PCM1: variants seen among roughly 807,000 people sequenced by gnomAD.
The protein encoded by PCM1 is pericentriolar material 1 protein.
Under a neutral mutation model 241.9 loss-of-function variants are expected in PCM1, and 157 were observed. That is an observed-to-expected ratio of 0.65 (90% confidence interval 0.57 to 0.74). The LOEUF is 0.74. PCM1 is among the 30% of genes least tolerant of loss of function. PCM1 has a pLI of 0.00. For missense variants in PCM1, 3,478 were observed against 2,360.1 expected (o/e 1.47, Z -9.81); for synonymous variants, 1,085 against 784.9 (o/e 1.38, Z -6.39).
intron 2 of PCM1, among the ~76,000 whole-genome samples, chr8:17,928,806 A>G (rs770484978): frequency 2.6e-5 from 4 of 151,162 alleles, no homozygotes; most frequent in African/African-American, 9.7e-5. Flanking sequence ...TAATTTTTGT[A>G]TTTTTAGTGG....
intron 6 of PCM1, among the ~76,000 whole-genome samples, chr8:17,944,451 C>T (rs980637445): frequency 6.6e-6 from 1 of 152,046 alleles, no homozygotes; most frequent in African/African-American, 2.4e-5. Context: ...CTAGGAGAAC[C>T]TCAGTTGAGT....
At chr8:17,989,794 G>T in intron 26 of PCM1, 65 bp from the exon 27 acceptor site, 3 of 1,124,974 alleles carry the variant, frequency 2.7e-6, no homozygotes, top group Non-Finnish European at 3.8e-6. Flanking sequence ...AGTTATCTCT[G>T]TTAGATTATT....
At chr8:17,940,834 G>C (rs2061793050) in intron 6 of PCM1, among the ~76,000 whole-genome samples, 1 of 152,056 alleles carries the variant, frequency 6.6e-6, no homozygotes, top group Non-Finnish European at 1.5e-5. Flanking sequence ...GTGTTTTTAG[G>C]CATTTTAAAC....
chr8:17,974,613 G>C (rs1011684725), intron 23 of PCM1, among the ~76,000 whole-genome samples: 1 of 152,008 alleles, frequency 6.6e-6, no homozygotes, highest in Non-Finnish European at 1.5e-5. Flanking sequence ...CTAATTTATG[G>C]CTATGACCAC....
chr8:17,993,630 A>G lies in PCM1; in HGVS notation c.4827+11A>G, dbSNP rs1027089073. On this transcript the variant is annotated intron_variant, in intron 29 of 38. Coordinates refer to ENST00000325083, the MANE Select transcript of PCM1 (RefSeq NM_006197.4). ...ATTCCTTTTTTGAAGGTAAGCAATT[A>G]TTTTAAAAAATAAACGAAACCTTCT... is the stretch of plus-strand genomic sequence containing the variant. The G allele has an allele frequency of 1.3e-6, 2 of 1,562,214 alleles. No individual in the cohort carries two copies. The highest frequency in any genetic ancestry group is 2.7e-5 in the African/African-American group (2 of 73,266).
At chr8:17,953,764 C>G (rs1212046355) in intron 9 of PCM1, among the ~76,000 whole-genome samples, 2 of 152,122 alleles carry the variant, frequency 1.3e-5, no homozygotes, top group Non-Finnish European at 2.9e-5. Flanking sequence ...CCTTCTTTGT[C>G]TAAATCAGAT....
Position 17,957,749 on chromosome 8 carries a change from T to A in PCM1, c.2014T>A (p.Leu672Ile), listed in dbSNP as rs768216393. 2 of 1,612,958 alleles carry A rather than the reference T, an allele frequency of 1.2e-6. No individual in the cohort carries two copies. Among genetic ancestry groups the A allele is most frequent in the Admixed American group, 1.7e-5 (1 of 59,998 alleles). The change falls in exon 13 of 39, where the codon TTA becomes ATA. Residue 672 changes from leucine to isoleucine, a missense_variant. Transcript: ENST00000325083. ...GGCTGCAAAACAGAAACTTAGACAG[T>A]TACAAGATCTTGTTGCTATGGTACA... ...LMAAKQKLRQ[L>I]QDLVAMVQDD...
rs761727079 is a variant in PCM1, at chr8:17,972,380, A to T, written c.3636A>T (p.Leu1212Phe). 13 of 1,590,826 alleles carry T rather than the reference A, an allele frequency of 8.2e-6. No individual in the cohort carries two copies. In the Admixed American group the frequency reaches 2.3e-4, roughly 28 times the overall value. The part of the protein sequence containing the change: ...EEVESSRTPW[L>F]YEQEGEVEKP... ...TGGAAAGCAGTAGGACACCATGGTTATATGAACAAGAAGGTGAAGTAGAGA... is the reference window on the plus strand; with the variant it reads ...TGGAAAGCAGTAGGACACCATGGTTTTATGAACAAGAAGGTGAAGTAGAGA... Residue 1212 changes from leucine (L) to phenylalanine (F), a missense_variant, in exon 23 of 39, where the codon TTA (leucine) becomes TTT (phenylalanine). Coordinates refer to ENST00000325083, the MANE Select transcript of PCM1 (RefSeq NM_006197.4).
rs369208604 is a variant in PCM1 at position 17,937,234 on chromosome 8, C to T, written c.197C>T (p.Pro66Leu). Residue 66 changes from proline to leucine, a missense_variant, in exon 4 of 39, where the codon CCG (proline) becomes CTG (leucine). By Grantham distance (98) the Pro-to-Leu change is moderately conservative. Coordinates refer to ENST00000325083, the MANE Select transcript of PCM1 (RefSeq NM_006197.4). The stretch of plus-strand genomic sequence containing the variant: ...AAAAGAGTAACCAATGATATTTCTC[C>T]GGAGTCGTCACCAGGAGTTGGAAGG... ...SDKRVTNDIS[P>L]ESSPGVGRRR... The T allele has an allele frequency of 1.6e-5, 25 of 1,608,892 alleles. No homozygotes were observed. Among genetic ancestry groups the T allele is most frequent in the East Asian group, 4.5e-5 (2 of 44,808 alleles).
chr8:17,967,781 G>C (rs191240998), intron 21 of PCM1, among the ~76,000 whole-genome samples: 7 of 152,170 alleles, frequency 4.6e-5, no homozygotes, highest in Admixed American at 1.3e-4. Flanking sequence ...ATAAGACAGT[G>C]CTCTCCTAAA....
chr8:17,929,816 T>C (rs2058390888), intron 2 of PCM1, among the ~76,000 whole-genome samples: 2 of 152,198 alleles, frequency 1.3e-5, no homozygotes. Context: ...AAAGTTTAAT[T>C]TATAGATTAG....
intron 23 of PCM1, among the ~76,000 whole-genome samples, chr8:17,973,956 C>G (rs569630188): frequency 1.3e-5 from 2 of 152,120 alleles, no homozygotes; most frequent in Non-Finnish European, 2.9e-5. Context: ...ACCACAGATA[C>G]AAGAGAATAT....
At chr8:18,025,520 G>C (rs763446743) in intron 37 of PCM1, 24 bp from the exon 38 acceptor site, 1 of 1,536,868 alleles carries the variant, frequency 6.5e-7, no homozygotes, top group Admixed American at 1.8e-5. Flanking sequence ...AAAATGATTT[G>C]TATTTTTAAT....
chr8:17,955,996 C>T (rs201795966), intron 10 of PCM1: 1 of 298,192 alleles, frequency 3.4e-6, no homozygotes, highest in Admixed American at 4.8e-5. Flanking sequence ...GCTGTGTTAC[C>T]CTGTACAAAT....
At chr8:18,002,017 T>C (rs1184674330) in intron 29 of PCM1, among the ~76,000 whole-genome samples, 18 of 83,072 alleles carry the variant, frequency 2.2e-4, no homozygotes, top group African/African-American at 8.1e-4. Flanking sequence ...TTTTTTTTTT[T>C]TTTTTTTTTT....
At chr8:17,973,742 T>G (rs1267734332) in intron 23 of PCM1, among the ~76,000 whole-genome samples, 1 of 151,878 alleles carries the variant, frequency 6.6e-6, no homozygotes, top group African/African-American at 2.4e-5. Context: ...AATTGGTGTT[T>G]AAGAACAAAG....
chr8:18,024,345 C>T (rs1278450558), intron 36 of PCM1, among the ~76,000 whole-genome samples: 1 of 152,096 alleles, frequency 6.6e-6, no homozygotes, highest in Non-Finnish European at 1.5e-5. Context: ...CCAGTCTGGG[C>T]AACAGAGTGA....
At position 18,014,024 on chromosome 8, in the gene PCM1, G is replaced by A; in HGVS notation, c.5572G>A (p.Ala1858Thr). ...ESKNVPLERE[A>T]TSKNDQNNCP... ...CAAAAATGTCCCATTGGAACGAGAA[G>A]CCACTAGTAAAAGTAAGAAATCTAA... The change falls in exon 35 of 39, where the codon GCC becomes ACC. Residue 1858 changes from alanine (A) to threonine (T), a missense_variant. Transcript: ENST00000325083. 6.3e-7 allele frequency: 1 copy of A among 1,588,024 alleles called. No individual in the cohort carries two copies. The highest frequency in any genetic ancestry group is 8.6e-7 in the Non-Finnish European group (1 of 1,163,844).
In PCM1 at chr8:18,024,502, TA is replaced by T. The variant is rs558360030; in HGVS notation, c.5842-858del. The stretch of plus-strand genomic sequence containing the variant: ...TTGTTTGCCTCACTACGAGTACAAT[TA>T]TACATTTAAAACTTCGAAAATTACT... On this transcript the variant is annotated intron_variant, in intron 36 of 38. Coordinates refer to ENST00000325083, the MANE Select transcript of PCM1 (RefSeq NM_006197.4). Among the ~76,000 whole-genome samples the T allele has an allele frequency of 3.1e-3, 479 of 152,342 alleles. 4 individuals carry two copies. Among genetic ancestry groups the T allele is most frequent in the African/African-American group, 0.011 (461 of 41,582 alleles).
Sources: allele counts gnomAD v4.1 joint callset (sites outside exome capture counted in the v4.1 genomes callset), GRCh38; gene constraint gnomAD v4.1.1; transcripts MANE v1.5; gene names NCBI Gene and HGNC (gene_info 2026-07-23, HGNC 2026-07-21).